PRDM10: variants seen among roughly 807,000 people sequenced by gnomAD.
PRDM10 encodes PR/SET domain 10, also known as PR domain zinc finger protein 10.
Under a neutral mutation model 133.1 loss-of-function variants are expected in PRDM10, and 65 were observed. The observed-to-expected ratio is 0.49, with a 90% confidence interval of 0.40 to 0.60. PRDM10 has a LOEUF of 0.60. PRDM10 is among the 20% of genes least tolerant of loss of function. The pLI is 0.00. For missense variants in PRDM10, 1,137 were observed against 1,507.1 expected, an observed-to-expected ratio of 0.75 and a Z score of 4.07; for synonymous variants, 582 against 580.4, an observed-to-expected ratio of 1.00 and a Z score of -0.04.
intron 13 of PRDM10, among the ~76,000 whole-genome samples, chr11:129,920,671 T>G (rs1319846875): frequency 6.6e-6 from 1 of 151,846 alleles, no homozygotes; most frequent in Non-Finnish European, 1.5e-5. Flanking sequence ...CTGCTTGAGA[T>G]GCCAATATTC....
chr11:129,953,012 C>A (rs191261528), intron 4 of PRDM10, among the ~76,000 whole-genome samples: 1 of 151,448 alleles, frequency 6.6e-6, no homozygotes, highest in African/African-American at 2.4e-5. Flanking sequence ...TCACTCTTAT[C>A]GCCCAAGCTG....
In PRDM10 at chr11:129,902,480, C is replaced by A; in HGVS notation, c.3304G>T (p.Glu1102Ter). The A allele has an allele frequency of 2.5e-6, 4 of 1,614,134 alleles. No individual in the cohort carries two copies. The highest frequency in any genetic ancestry group is 3.4e-6 in the Non-Finnish European group (4 of 1,180,028). The change falls in exon 21 of 21, where the codon GAA becomes TAA. Residue 1102 changes from glutamate (E) to a stop codon, truncating the protein, a stop_gained. Transcript: ENST00000360871. LOFTEE classifies it high-confidence loss of function. The part of the protein sequence containing the change: ...YVLSESQSEL[E>*]EKQTSALSGG... ...GAGAGGGCAGAAGTTTGCTTTTCTT[C>A]CAATTCTGATTGACTTTCTGATAAC...
At chr11:129,931,779 A>G (rs563863321) in intron 10 of PRDM10, among the ~76,000 whole-genome samples, 3 of 152,120 alleles carry the variant, frequency 2.0e-5, no homozygotes, top group East Asian at 3.9e-4. Flanking sequence ...CGTGTTAGCC[A>G]GGATGGTCTC....
chr11:129,944,864 G>A lies in PRDM10; in HGVS notation c.669C>T (p.Ser223=), dbSNP rs1215870261. The A allele has an allele frequency of 1.2e-6, 2 of 1,614,004 alleles. No homozygotes were observed. The highest frequency in any genetic ancestry group is 2.7e-5 in the African/African-American group (2 of 74,920). ...GGGTGCGCTTGGGGATGCGCCGCTT[G>A]GAGAACACCCCGCCCAGAAACCTGT... is the stretch of plus-strand genomic sequence containing the variant. ...YIDRFLGGVF[S]KRRIPKRTQF... is the part of the protein sequence containing the mutation. Residue 223 remains serine (S), a synonymous_variant, in exon 6 of 21, where the codon TCC becomes TCT. Transcript: ENST00000360871.
At chr11:129,910,305 C>T (rs572335166) in intron 19 of PRDM10, among the ~76,000 whole-genome samples, 171 bp downstream of exon 19, 60 of 152,278 alleles carry the variant, frequency 3.9e-4, no homozygotes, top group Non-Finnish European at 7.5e-4. Flanking sequence ...TCTGTGAAAG[C>T]GGAATGCTAC....
chr11:129,967,948 C>T (rs1180415269), intron 1 of PRDM10, among the ~76,000 whole-genome samples: 2 of 152,256 alleles, frequency 1.3e-5, no homozygotes, highest in African/African-American at 2.4e-5. Flanking sequence ...TCCCCGACAA[C>T]ATCACTAAGC....
chr11:129,997,689 G>A (rs1305765243), intron 1 of PRDM10, among the ~76,000 whole-genome samples: 4 of 152,022 alleles, frequency 2.6e-5, no homozygotes, highest in African/African-American at 4.8e-5. Flanking sequence ...ACCAAGTTTG[G>A]GAAAATTTAG....
chr11:129,960,866 A>G, intron 2 of PRDM10, 30 bp downstream of exon 2: 1 of 1,612,910 alleles, frequency 6.2e-7, no homozygotes, highest in Non-Finnish European at 8.5e-7. Context: ...AAAACCTCTC[A>G]ATACCAAGCT....
intron 18 of PRDM10, among the ~76,000 whole-genome samples, chr11:129,911,012 G>A (rs558087451): frequency 2.6e-5 from 4 of 152,296 alleles, no homozygotes; most frequent in African/African-American, 7.2e-5. Context: ...CCGACCTCAG[G>A]TGATCCACCC....
intron 1 of PRDM10, among the ~76,000 whole-genome samples, chr11:129,985,575 T>G (rs1251694610): frequency 6.6e-6 from 1 of 151,624 alleles, no homozygotes; most frequent in Non-Finnish European, 1.5e-5. Context: ...GAGGACTGCT[T>G]GAGCTCAGGC....
Position 129,932,374 on chromosome 11 carries a change from T to A in PRDM10, c.1158-143A>T, listed in dbSNP as rs147693350. The A allele has an allele frequency of 4.6e-4, 487 of 1,052,230 alleles. 1 individual carries two copies. In the African/African-American group the frequency reaches 5.5e-3, roughly 12 times the overall value. The allele number at this position is 1,052,230 out of a possible 1,614,324, so 65.2% of individuals were successfully genotyped here. A position where few individuals can be genotyped will look rare whatever the true frequency, so the allele number is the denominator to read the frequency against. On this transcript the variant is annotated intron_variant, in intron 9 of 20. Coordinates refer to ENST00000360871, the MANE Select transcript of PRDM10 (RefSeq NM_199437.2). The stretch of plus-strand genomic sequence containing the variant: ...CCAGATTTTCTCCAATAGAAACAAC[T>A]GTTTTACTAATATACACTTTCTGAA...
intron 6 of PRDM10, among the ~76,000 whole-genome samples, 199 bp downstream of exon 6, chr11:129,944,572 A>AAG (rs1565485104): frequency 1.3e-5 from 2 of 148,406 alleles, no homozygotes; most frequent in East Asian, 2.1e-4. Context: ...GCGACAGAGC[A>AAG]AGACTCCGTC....
At chr11:129,971,852 G>T (rs1047966900) in intron 1 of PRDM10, among the ~76,000 whole-genome samples, 2 of 152,234 alleles carry the variant, frequency 1.3e-5, no homozygotes, top group Non-Finnish European at 2.9e-5. Context: ...GCCCTTGGGT[G>T]GTCGATGGGA....
At chr11:129,999,814 C>T (rs1939247927) in intron 1 of PRDM10, among the ~76,000 whole-genome samples, 1 of 152,170 alleles carries the variant, frequency 6.6e-6, no homozygotes, top group Non-Finnish European at 1.5e-5. Flanking sequence ...GTTCGGCGGA[C>T]TTCATGATGC....
At chr11:129,912,367 G>T in intron 17 of PRDM10, 142 bp from the exon 18 acceptor site, 1 of 891,384 alleles carries the variant, frequency 1.1e-6, no homozygotes, top group Non-Finnish European at 1.5e-6. Context: ...CAGTTTGGGA[G>T]GCCAAAGCGG....
At chr11:129,927,271 G>A (rs985879777) in intron 11 of PRDM10, among the ~76,000 whole-genome samples, 9 of 147,394 alleles carry the variant, frequency 6.1e-5, no homozygotes, top group Non-Finnish European at 1.2e-4. Flanking sequence ...GTGTAGTTCA[G>A]TAGCCACCTC....
intron 7 of PRDM10, among the ~76,000 whole-genome samples, chr11:129,938,467 T>C (rs1394319330): frequency 6.6e-6 from 1 of 152,212 alleles, no homozygotes; most frequent in Non-Finnish European, 1.5e-5. Flanking sequence ...CTCCGCTTGC[T>C]TCTATATGCC....
rs75300487 is a variant in PRDM10, at chr11:129,976,692, G to A, written c.-118-15610C>T. 7.4e-4 allele frequency among the ~76,000 whole-genome samples: 112 copies of A among 152,284 alleles called. No homozygotes were observed. In the East Asian group the frequency reaches 0.015, roughly 20 times the overall value. On this transcript the variant is annotated intron_variant, in intron 1 of 20. Coordinates refer to ENST00000360871, the MANE Select transcript of PRDM10 (RefSeq NM_199437.2). ...TTATGTTCATTCACTTGGAAGGAAC[G>A]TAATAGAAGGAGAGAGTTTCCATTT... is the stretch of plus-strand genomic sequence containing the variant.
At chr11:129,963,538 T>C (rs1374477458) in intron 1 of PRDM10, among the ~76,000 whole-genome samples, 5 of 152,164 alleles carry the variant, frequency 3.3e-5, no homozygotes, top group African/African-American at 9.7e-5. Flanking sequence ...GTTGTCAAAA[T>C]AGTACAAAGA....
Sources: allele counts gnomAD v4.1 joint callset (sites outside exome capture counted in the v4.1 genomes callset), GRCh38; gene constraint gnomAD v4.1.1; transcripts MANE v1.5; gene names NCBI Gene and HGNC (gene_info 2026-07-23, HGNC 2026-07-21).